The following MELTF variants were observed in gnomAD, a reference collection of about 807,000 sequenced individuals.
MELTF encodes the protein antigen p97 (melanoma associated) identified by monoclonal antibodies 133.2 and 96.5.
A neutral mutation model predicts 83.7 loss-of-function variants in MELTF; 67 were observed. That is an observed-to-expected ratio of 0.80 (90% CI 0.66 to 0.98). The LOEUF is 0.98. Ranked by LOEUF, MELTF falls within the 50% of genes least tolerant of loss-of-function variation. The pLI, the probability that MELTF is intolerant of heterozygous loss-of-function variation, is 0.00. For missense variants in MELTF, 1,002 were observed against 1,035.6 expected, an observed-to-expected ratio of 0.97 and a Z score of 0.44; for synonymous variants, 462 against 447.6, an observed-to-expected ratio of 1.03 and a Z score of -0.41.
intron 11 of MELTF, among the ~76,000 whole-genome samples, chr3:197,009,387 C>T (rs1320663103): frequency 6.6e-6 from 1 of 152,200 alleles, no homozygotes; most frequent in Non-Finnish European, 1.5e-5. Context: ...TGTGGCCTGT[C>T]AGCCCAAGGG....
At chr3:197,009,033 C>T (rs1025458496) in intron 11 of MELTF, 68 bp from the exon 12 acceptor site, 41 of 1,578,060 alleles carry the variant, frequency 2.6e-5, no homozygotes, top group Middle Eastern at 4.2e-4. Flanking sequence ...CTGGGCGGGC[C>T]GCTCCCCCAC....
intron 9 of MELTF, among the ~76,000 whole-genome samples, chr3:197,012,625 C>T (rs1396059188): frequency 6.6e-6 from 1 of 152,254 alleles, no homozygotes; most frequent in Non-Finnish European, 1.5e-5. Flanking sequence ...GTGTGAACAC[C>T]CAAGGGCTGA....
intron 2 of MELTF, among the ~76,000 whole-genome samples, chr3:197,027,301 G>T (rs549608406): frequency 1.4e-4 from 21 of 152,312 alleles, no homozygotes; most frequent in African/African-American, 4.8e-4. Flanking sequence ...GTGGTGCCTC[G>T]GAGGATTGTC....
rs1463730037 is a variant in MELTF, at chr3:197,003,187, G to C, written c.*185C>G. 3.5e-6 allele frequency: 2 copies of C among 574,018 alleles called. No homozygotes were observed. Among genetic ancestry groups the C allele is most frequent in the Non-Finnish European group, 4.4e-6 (2 of 450,464 alleles). The allele number at this position is 574,018 out of a possible 1,614,324, so 35.6% of individuals were successfully genotyped here. ...GCGGTTGGCGGGAAGGGCCGCGCGG[G>C]CCCGGGGGCGGCGCCTCAGGTAGCA... On this transcript the variant is annotated 3_prime_UTR_variant, in exon 16 of 16. Coordinates refer to ENST00000296350, the MANE Select transcript of MELTF (RefSeq NM_005929.6). The surrounding 1 kb of genome is among the most constrained non-coding windows in gnomAD (Gnocchi z 6.2).
In MELTF at chr3:197,004,014, TC is replaced by T. The variant is rs749966680; in HGVS notation, c.2023del (p.Asp675MetfsTer121). ...NYHGQDLLFK[D>X]ATVRAVPVGE... is the part of the protein sequence containing the mutation. ...GACAGGCACCGCCCGGACGGTGGCA[TC>T]CTTGAAAAGCAGGTCTTGGCCATGA... On this transcript the variant is annotated frameshift_variant, in exon 15 of 16. Coordinates refer to ENST00000296350, the MANE Select transcript of MELTF (RefSeq NM_005929.6). LOFTEE classifies it high-confidence loss of function. 3 of 1,614,174 alleles carry T rather than the reference TC, an allele frequency of 1.9e-6. No individual in the cohort carries two copies. The East Asian group carries it at 6.7e-5, about 36-fold the overall frequency.
chr3:197,026,358 A>C (rs1719853103), intron 3 of MELTF: 1 of 363,494 alleles, frequency 2.8e-6, no homozygotes, highest in Admixed American at 3.8e-5. Context: ...AGTTACGCAC[A>C]CAGCACCGTG....
At chr3:197,021,566 A>G in intron 5 of MELTF, 95 bp from the exon 6 acceptor site, 2 of 1,129,478 alleles carry the variant, frequency 1.8e-6, no homozygotes, top group Non-Finnish European at 2.6e-6. Context: ...AGGGGTGGCC[A>G]TGATGGGCAT....
rs960399978 is a variant in MELTF at position 197,011,885 on chromosome 3, C to T, written c.1234-1091G>A. Among the ~76,000 whole-genome samples the T allele has an allele frequency of 1.3e-4, 20 of 152,260 alleles. No individual in the cohort carries two copies. Among genetic ancestry groups the T allele is most frequent in the Admixed American group, 7.2e-4 (11 of 15,306 alleles). On this transcript the variant is annotated intron_variant, in intron 9 of 15. Transcript: ENST00000296350. This position sits in a 1 kb window ranked among gnomAD's most constrained non-coding sequence, Gnocchi z 4.2. ...CTCTTCCTGCAGGCCCCAGGGCAGC[C>T]CCGTGGCCCTCTGTGAGCCCAGATT... is the stretch of plus-strand genomic sequence containing the variant.
chr3:197,008,991 G>A lies in MELTF; in HGVS notation c.1526-26C>T, dbSNP rs779091627. 1 of 1,612,914 alleles carries A rather than the reference G, an allele frequency of 6.2e-7. No individual in the cohort carries two copies. The highest frequency in any genetic ancestry group is 1.1e-5 in the South Asian group (1 of 91,020). On this transcript the variant is annotated intron_variant, in intron 11 of 15. Transcript: ENST00000296350. The surrounding 1 kb of genome is among the most constrained non-coding windows in gnomAD (Gnocchi z 5.4). ...CTGGGGTGGAGGGAAGGGCAATGAT[G>A]AGGGGCCAGCAGTGGAAAGTGTGGG... is the stretch of plus-strand genomic sequence containing the variant.
intron 5 of MELTF, 97 bp from the exon 6 acceptor site, chr3:197,021,568 G>T: frequency 9.0e-7 from 1 of 1,116,796 alleles, no homozygotes; most frequent in Non-Finnish European, 1.3e-6. Context: ...GGGTGGCCAT[G>T]ATGGGCATGG....
chr3:197,028,061 C>T (rs543024680), intron 1 of MELTF, 151 bp from the exon 2 acceptor site: 10 of 851,652 alleles, frequency 1.2e-5, no homozygotes, highest in Admixed American at 8.4e-5. Context: ...AGGCACTAGG[C>T]GCAGAGACAG....
intron 9 of MELTF, among the ~76,000 whole-genome samples, chr3:197,014,925 T>G (rs1467133566): frequency 6.6e-6 from 1 of 152,176 alleles, no homozygotes; most frequent in Non-Finnish European, 1.5e-5. Flanking sequence ...TTTGTCTATT[T>G]AGAAAAATCA....
intron 2 of MELTF, chr3:197,027,040 G>C (rs1030092169): frequency 4.8e-6 from 2 of 418,990 alleles, no homozygotes; most frequent in East Asian, 4.5e-5. Flanking sequence ...AAAACGGTGC[G>C]CAGTGACAAG....
At chr3:197,016,914 C>A (rs563898893) in intron 7 of MELTF, among the ~76,000 whole-genome samples, 189 bp downstream of exon 7, 1 of 152,340 alleles carries the variant, frequency 6.6e-6, no homozygotes, top group Non-Finnish European at 1.5e-5. Context: ...CTGGGCCCCC[C>A]TCTCCTGGCC....
At chr3:197,026,865 G>T in intron 2 of MELTF, 106 bp from the exon 3 acceptor site, 1 of 866,930 alleles carries the variant, frequency 1.2e-6, no homozygotes, top group Non-Finnish European at 1.9e-6. Flanking sequence ...GCCCCAGAGG[G>T]CTGTGCTGTC....
rs369994330 is a variant in MELTF, at chr3:197,021,446, C to G, written c.670G>C (p.Val224Leu). The G allele has an allele frequency of 1.9e-5, 31 of 1,614,092 alleles. No homozygotes were observed. Among genetic ancestry groups the G allele is most frequent in the Non-Finnish European group, 2.4e-5 (28 of 1,180,022 alleles). Residue 224 changes from valine to leucine, a missense_variant, in exon 6 of 16, where the codon GTG becomes CTG. Transcript: ENST00000296350. ...FRCLAEGAGD[V>L]AFVKHSTVLE... ...ACCGTGCTGTGCTTCACAAAAGCCACGTCCCCTGCCCCTTCCGCCAGGCAC... is the reference window on the plus strand; with the variant it reads ...ACCGTGCTGTGCTTCACAAAAGCCAGGTCCCCTGCCCCTTCCGCCAGGCAC...
At chr3:197,019,201 T>G (rs1719521802) in intron 6 of MELTF, 1 of 1,002,874 alleles carries the variant, frequency 1.0e-6, no homozygotes, top group African/African-American at 1.7e-5. Flanking sequence ...TTCCCAACTT[T>G]CCTGTTTTTC....
chr3:197,002,261 C>T lies in MELTF; in HGVS notation c.*1111G>A, dbSNP rs993871995. On this transcript the variant is annotated 3_prime_UTR_variant, in exon 16 of 16. Transcript: ENST00000296350. ...AGACCGGAATGCAAATGGCTCCGCG[C>T]CCACGCGGCTCCCGGTCTGCTGACG... 1.3e-5 allele frequency: 2 copies of T among 152,252 alleles called. No homozygotes were observed. Among genetic ancestry groups the T allele is most frequent in the Non-Finnish European group, 2.9e-5 (2 of 68,050 alleles). The allele number at this position is 152,252 out of a possible 1,614,324, so 9.4% of individuals were successfully genotyped here.
intron 5 of MELTF, among the ~76,000 whole-genome samples, chr3:197,021,682 G>C (rs910776916): frequency 2.6e-5 from 4 of 152,184 alleles, no homozygotes; most frequent in African/African-American, 9.7e-5. Flanking sequence ...TAAAGCGGGG[G>C]TGGGAAAGTA....
Sources: allele counts gnomAD v4.1 joint callset (sites outside exome capture counted in the v4.1 genomes callset), GRCh38; gene constraint gnomAD v4.1.1; non-coding constraint Gnocchi (gnomAD v3.1); transcripts MANE v1.5; gene names NCBI Gene and HGNC (gene_info 2026-07-23, HGNC 2026-07-21).